Variants in CEP131 observed in about 807,000 individuals in gnomAD.
CEP131 encodes centrosomal protein of 131 kDa.
In CEP131, 99 loss-of-function variants were observed where a neutral mutation model predicts 136.8. That is an observed-to-expected ratio of 0.72 (90% confidence interval 0.62 to 0.86). The LOEUF is 0.86. Among genes scored for constraint, CEP131 ranks in the 40% least tolerant of loss-of-function variants. The pLI is 0.00. For synonymous variants in CEP131, 646 were observed against 612.7 expected (o/e 1.05, Z -0.80); for missense variants, 1,459 against 1,463.0 (o/e 1.00, Z 0.04).
intron 24 of CEP131, 31 bp from the exon 25 acceptor site, chr17:81,190,006 G>C: frequency 6.3e-7 from 1 of 1,575,812 alleles, no homozygotes; most frequent in Non-Finnish European, 8.7e-7. Context: ...GCTTCAGTGT[G>C]GCCCCCGCCC....
chr17:81,199,650 C>T (rs542118419), intron 9 of CEP131, 69 bp downstream of exon 9: 2 of 1,598,228 alleles, frequency 1.3e-6, no homozygotes, highest in Non-Finnish European at 1.7e-6. Flanking sequence ...CCCAGGGAGC[C>T]CCAGCAGCAG....
At position 81,203,514 on chromosome 17, in the gene CEP131, G is replaced by A; in HGVS notation, c.609C>T (p.Asn203=). The A allele has an allele frequency of 6.2e-7, 1 of 1,606,448 alleles. No individual in the cohort carries two copies. The highest frequency in any genetic ancestry group is 1.1e-5 in the South Asian group (1 of 89,534). The part of the protein sequence containing the change: ...SERAPPLKSS[N]QTAPSLNNII... Reference sequence around the variant, plus strand: ...CTTACTTGAGGGAGGGGGCAGTCTGGTTGGAGCTCTTGAGCGGAGGCGCCC... The same window carrying A: ...CTTACTTGAGGGAGGGGGCAGTCTGATTGGAGCTCTTGAGCGGAGGCGCCC... Residue 203 remains asparagine (N), a synonymous_variant, in exon 6 of 26, where the codon AAC becomes AAT. Transcript: ENST00000450824. This position sits in a 1 kb window ranked among gnomAD's most constrained non-coding sequence, Gnocchi z 4.6.
chr17:81,190,040 T>C, intron 24 of CEP131, 65 bp from the exon 25 acceptor site: 1 of 1,426,520 alleles, frequency 7.0e-7, no homozygotes, highest in South Asian at 1.3e-5. Context: ...TGGCCTGCAG[T>C]GCACAGGGTG....
At chr17:81,217,939 A>G (rs984279064) in intron 2 of CEP131, among the ~76,000 whole-genome samples, 2 of 152,174 alleles carry the variant, frequency 1.3e-5, no homozygotes, top group Non-Finnish European at 2.9e-5. Flanking sequence ...TCTACTAGAA[A>G]GCCCGGAAAC....
rs751198121 is a variant in CEP131, at chr17:81,197,000, G to A, written c.1703C>T (p.Thr568Met). The change falls in exon 14 of 26, where the codon ACG (threonine) becomes ATG (methionine). Residue 568 changes from threonine to methionine, a missense_variant. By Grantham distance (81) the Thr-to-Met change is moderately conservative. Around this residue, in one of 3 missense-constraint regions of CEP131, gnomAD observed 1,026 missense variants for 964.2 expected, o/e 1.06. Coordinates refer to ENST00000450824, the MANE Select transcript of CEP131 (RefSeq NM_014984.4). ...CTCCAGCTTCAGCCGCATCACAGAC[G>A]TGCTCACCTCGGACCCCAGCTCCAG... ...GPLELGSEVS[T>M]SVMRLKLEVE... The A allele has an allele frequency of 2.1e-5, 34 of 1,601,760 alleles. No homozygotes were observed. The highest frequency in any genetic ancestry group is 1.1e-4 in the South Asian group (10 of 89,134).
Position 81,219,042 on chromosome 17 carries a change from G to A in CEP131, c.177+838C>T, listed in dbSNP as rs966232637. Among the ~76,000 whole-genome samples, 3 of 152,088 alleles carry A rather than the reference G, an allele frequency of 2.0e-5. No individual in the cohort carries two copies. The highest frequency in any genetic ancestry group is 2.9e-5 in the Non-Finnish European group (2 of 67,970). On this transcript the variant is annotated intron_variant, in intron 2 of 25. Coordinates refer to ENST00000450824, the MANE Select transcript of CEP131 (RefSeq NM_014984.4). This position sits in a 1 kb window ranked among gnomAD's most constrained non-coding sequence, Gnocchi z 4.0. ...TGCCCCAACCCCCACAGAGCGGCTC[G>A]ATTCCTCCCTTGCCCCAAAGACTGG...
intron 2 of CEP131, among the ~76,000 whole-genome samples, chr17:81,211,635 T>A (rs2062133162): frequency 6.6e-6 from 1 of 152,190 alleles, no homozygotes; most frequent in African/African-American, 2.4e-5. Context: ...CCTGAGGGTC[T>A]AAATACGTGA....
At position 81,191,193 on chromosome 17, in the gene CEP131, C is replaced by T. The variant is rs780124332; in HGVS notation, c.2765G>A (p.Arg922His). 1.2e-5 allele frequency: 19 copies of T among 1,610,874 alleles called. No homozygotes were observed. Among genetic ancestry groups the T allele is most frequent in the Admixed American group, 6.7e-5 (4 of 59,962 alleles). The change falls in exon 22 of 26, where the codon CGC (arginine) becomes CAC (histidine). Residue 922 changes from arginine (R) to histidine (H), a missense_variant and splice_region_variant. Arg to His is a conservative substitution (Grantham distance 29). This residue lies in a region of CEP131 where 1,026 missense variants were observed against 964.2 expected (regional missense o/e 1.06). Coordinates refer to ENST00000450824, the MANE Select transcript of CEP131 (RefSeq NM_014984.4). The part of the protein sequence containing the change: ...KEESEKAAES[R>H]IKRLRDKYEA... ...TGACCCAGCCATGGCGGGTCCTTACCGGCTCTCGGCAGCCTTCTCACTCTC... is the reference window on the plus strand; with the variant it reads ...TGACCCAGCCATGGCGGGTCCTTACTGGCTCTCGGCAGCCTTCTCACTCTC...
intron 16 of CEP131, among the ~76,000 whole-genome samples, chr17:81,195,468 CA>C (rs1266978181): frequency 1.3e-5 from 2 of 152,292 alleles, no homozygotes; most frequent in East Asian, 3.9e-4. Context: ...GGCGGGGAGT[CA>C]ATGCTCCACC....
chr17:81,200,492 G>A (rs778976038), intron 7 of CEP131, 46 bp from the exon 8 acceptor site: 25 of 1,411,618 alleles, frequency 1.8e-5, no homozygotes, highest in East Asian at 5.1e-5. Flanking sequence ...CCAGCGCCCC[G>A]GCAGGACCCA....
Position 81,197,866 on chromosome 17 carries a change from G to A in CEP131, c.1493C>T (p.Thr498Ile). ...TCCAAATTTCTCCAAGTTGTCAGCTGTCAGAGAGCTGGCGTCATCCTCCTG... is the reference window on the plus strand; with the variant it reads ...TCCAAATTTCTCCAAGTTGTCAGCTATCAGAGAGCTGGCGTCATCCTCCTG... ...ASEEDDASSLTADNLEKFGKL... is the reference protein window; with the variant it reads ...ASEEDDASSLIADNLEKFGKL... The change falls in exon 13 of 26, where the codon ACA (threonine) becomes ATA (isoleucine). Residue 498 changes from threonine (T) to isoleucine (I), a missense_variant. Thr to Ile is a moderately conservative substitution (Grantham distance 89, BLOSUM62 -1). Transcript: ENST00000450824. The A allele has an allele frequency of 6.2e-7, 1 of 1,612,946 alleles. No homozygotes were observed. Among genetic ancestry groups the A allele is most frequent in the Non-Finnish European group, 8.5e-7 (1 of 1,179,836 alleles).
intron 16 of CEP131, 36 bp from the exon 17 acceptor site, chr17:81,195,008 A>T: frequency 6.5e-7 from 1 of 1,543,398 alleles, no homozygotes; most frequent in Non-Finnish European, 8.9e-7. Flanking sequence ...AACGACACGA[A>T]GGACACCCCC....
At chr17:81,221,332 G>A (rs904188263) in intron 1 of CEP131, among the ~76,000 whole-genome samples, 3 of 152,014 alleles carry the variant, frequency 2.0e-5, no homozygotes, top group African/African-American at 4.8e-5. Context: ...AAACCCTGCC[G>A]GCCCCCAGCC....
In CEP131 at chr17:81,203,039, C is replaced by A. The variant is rs2061928471; in HGVS notation, c.629+455G>T. 6.6e-6 allele frequency among the ~76,000 whole-genome samples: 1 copy of A among 152,198 alleles called. No homozygotes were observed. Among genetic ancestry groups the A allele is most frequent in the Non-Finnish European group, 1.5e-5 (1 of 68,032 alleles). On this transcript the variant is annotated intron_variant, in intron 6 of 25. Transcript: ENST00000450824. This position sits in a 1 kb window ranked among gnomAD's most constrained non-coding sequence, Gnocchi z 4.6. ...CAGAGCCTGAGGGACCCCTGAGCAA[C>A]CCCAAGGCCATCCCCAATCCCCGCA...
At chr17:81,199,245 G>A (rs1367974610) in intron 10 of CEP131, 136 bp downstream of exon 10, 1 of 1,091,304 alleles carries the variant, frequency 9.2e-7, no homozygotes, top group East Asian at 2.6e-5. Flanking sequence ...TGGGGGCCAA[G>A]GCCCCTAACT....
chr17:81,217,920 G>A (rs920158202), intron 2 of CEP131, among the ~76,000 whole-genome samples: 6 of 152,176 alleles, frequency 3.9e-5, no homozygotes, highest in East Asian at 1.9e-4. Context: ...CCATGCCGCC[G>A]AAAGACCATC....
chr17:81,208,820 C>T lies in CEP131; in HGVS notation c.272+108G>A, dbSNP rs1197500915. The T allele has an allele frequency of 8.1e-6, 7 of 867,582 alleles. No homozygotes were observed. Among genetic ancestry groups the T allele is most frequent in the Non-Finnish European group, 1.3e-5 (7 of 552,526 alleles). The allele number at this position is 867,582 out of a possible 1,614,324, so 53.7% of individuals were successfully genotyped here. A position where few individuals can be genotyped will look rare whatever the true frequency, so the allele number is the denominator to read the frequency against. On this transcript the variant is annotated intron_variant, in intron 3 of 25. Transcript: ENST00000450824. This position sits in a 1 kb window ranked among gnomAD's most constrained non-coding sequence, Gnocchi z 5.6. ...TCACTAGCCAGCAAGGGCCCGGGACCCAGGAGGCTGGAGGAAGGGCAGAGC... is the reference window on the plus strand; with the variant it reads ...TCACTAGCCAGCAAGGGCCCGGGACTCAGGAGGCTGGAGGAAGGGCAGAGC...
chr17:81,221,865 C>G (rs770484682), intron 1 of CEP131, among the ~76,000 whole-genome samples: 4 of 152,188 alleles, frequency 2.6e-5, no homozygotes, highest in African/African-American at 9.7e-5. Flanking sequence ...AGTAGGCCAG[C>G]AGGCACCCAG....
rs1422665287 is a variant in CEP131 at position 81,192,721 on chromosome 17, GCC to G, written c.2429+13_2429+14del. 2 of 1,536,802 alleles carry G rather than the reference GCC, an allele frequency of 1.3e-6. No individual in the cohort carries two copies. Among genetic ancestry groups the G allele is most frequent in the Admixed American group, 3.4e-5 (2 of 59,076 alleles). ...AGGGGTCCCTGGGAGAGGGCGTGGTGCCCCCGGGCGGCACCTGGCTGCCTGCT... is the reference window on the plus strand; with the variant it reads ...AGGGGTCCCTGGGAGAGGGCGTGGTGCCCGGGCGGCACCTGGCTGCCTGCT... On this transcript the variant is annotated intron_variant, in intron 19 of 25. Transcript: ENST00000450824.
Sources: allele counts gnomAD v4.1 joint callset (sites outside exome capture counted in the v4.1 genomes callset), GRCh38; gene constraint gnomAD v4.1.1; regional missense constraint gnomAD v4.1.1; non-coding constraint Gnocchi (gnomAD v3.1); transcripts MANE v1.5; gene names NCBI Gene and HGNC (gene_info 2026-07-23, HGNC 2026-07-21).